Variants in TNRC6A observed in about 807,000 individuals in gnomAD.
TNRC6A encodes trinucleotide repeat containing adaptor 6A, also known as trinucleotide repeat-containing gene 6A protein.
TNRC6A carries 44 observed loss-of-function variants against 221.2 expected under a neutral mutation model. The ratio of observed to expected loss-of-function variants is 0.20; its 90% CI spans 0.16 to 0.26. TNRC6A has a LOEUF of 0.26. Among genes scored for constraint, TNRC6A ranks in the 10% least tolerant of loss-of-function variants. The probability of loss-of-function intolerance (pLI) is 1.00; values close to 1 mark genes in which losing one functional copy is unlikely to be tolerated. For missense variants in TNRC6A, 2,199 were observed against 2,404.4 expected (o/e 0.91, Z 1.79); for synonymous variants, 847 against 838.5 (o/e 1.01, Z -0.18).
At chr16:24,623,104 C>T (rs929928525) in intron 1 of TNRC6A, among the ~76,000 whole-genome samples, 2 of 152,128 alleles carry the variant, frequency 1.3e-5, no homozygotes, top group African/African-American at 4.8e-5. Context: ...GTATCTACTG[C>T]TACAATAATG....
chr16:24,658,658 C>T (rs2054966892), intron 2 of TNRC6A, among the ~76,000 whole-genome samples: 1 of 151,396 alleles, frequency 6.6e-6, no homozygotes, highest in Admixed American at 6.6e-5. Context: ...GAGCCCCACC[C>T]ACCCTGTTTC....
intron 4 of TNRC6A, among the ~76,000 whole-genome samples, chr16:24,775,993 T>A (rs2057710333): frequency 6.6e-6 from 1 of 152,204 alleles, no homozygotes; most frequent in Non-Finnish European, 1.5e-5. Flanking sequence ...ATGAAGACAT[T>A]TAACCTTAGG....
intron 2 of TNRC6A, among the ~76,000 whole-genome samples, chr16:24,668,901 C>A (rs2055230478): frequency 6.6e-6 from 1 of 152,136 alleles, no homozygotes; most frequent in Non-Finnish European, 1.5e-5. Context: ...ACAGAGTGAG[C>A]CTGAGTCTCT....
chr16:24,739,412 A>G (rs1163830442), intron 2 of TNRC6A, among the ~76,000 whole-genome samples: 1 of 151,642 alleles, frequency 6.6e-6, no homozygotes, highest in East Asian at 1.9e-4. Flanking sequence ...TATAGCTTAG[A>G]TACAAGTCCC....
intron 11 of TNRC6A, 187 bp from the exon 12 acceptor site, chr16:24,803,990 A>G (rs969680250): frequency 3.7e-6 from 2 of 540,042 alleles, no homozygotes; most frequent in South Asian, 3.1e-5. Context: ...AAATAACAGT[A>G]TCTCCTAATT....
At chr16:24,680,986 C>G (rs1428752224) in intron 2 of TNRC6A, among the ~76,000 whole-genome samples, 1 of 151,692 alleles carries the variant, frequency 6.6e-6, no homozygotes, top group African/African-American at 2.4e-5. Flanking sequence ...CCAGGCTGAT[C>G]TCAAACTTCT....
chr16:24,657,343 CAAACAAACAAAGA>C (rs2054936281), intron 2 of TNRC6A, among the ~76,000 whole-genome samples: 2 of 89,710 alleles, frequency 2.2e-5, no homozygotes, highest in Admixed American at 1.1e-4. Flanking sequence ...AAAAAAAAAA[CAAACAAACAAAGA>C]AACAAACAAA....
chr16:24,763,364 C>A (rs1041250236), intron 4 of TNRC6A, among the ~76,000 whole-genome samples: 1 of 152,160 alleles, frequency 6.6e-6, no homozygotes, highest in Non-Finnish European at 1.5e-5. Flanking sequence ...TCCAGTATGC[C>A]TGTTGACCAG....
At chr16:24,622,657 A>G (rs1207922984) in intron 1 of TNRC6A, among the ~76,000 whole-genome samples, 1 of 152,234 alleles carries the variant, frequency 6.6e-6, no homozygotes, top group Non-Finnish European at 1.5e-5. Flanking sequence ...GATGCAAGCC[A>G]TGCTGTTTTC....
At chr16:24,769,145 A>G (rs566945527) in intron 4 of TNRC6A, among the ~76,000 whole-genome samples, 5 of 151,866 alleles carry the variant, frequency 3.3e-5, no homozygotes, top group Admixed American at 6.6e-5. Flanking sequence ...GACAATTGCT[A>G]TTTTTTTTCA....
chr16:24,823,613 C>T lies in TNRC6A; in HGVS notation c.5695C>T (p.His1899Tyr). 6.2e-7 allele frequency: 1 copy of T among 1,614,112 alleles called. No individual in the cohort carries two copies. Among genetic ancestry groups the T allele is most frequent in the Non-Finnish European group, 8.5e-7 (1 of 1,179,994 alleles). The change falls in exon 25 of 25, where the codon CAC (histidine) becomes TAC (tyrosine). Residue 1899 changes from histidine to tyrosine, a missense_variant. His to Tyr is a moderately conservative substitution (Grantham distance 83). Coordinates refer to ENST00000395799, the MANE Select transcript of TNRC6A (RefSeq NM_014494.4). The surrounding 1 kb of genome is among the most constrained non-coding windows in gnomAD (Gnocchi z 4.3). Reference sequence around the variant, plus strand: ...ATTCTCCAGCCGGACCGATCTCAATCACTGGAATGGTGCTGGGCTGTCGGG... The same window carrying T: ...ATTCTCCAGCCGGACCGATCTCAATTACTGGAATGGTGCTGGGCTGTCGGG... ...HSFSSRTDLN[H>Y]WNGAGLSGTN...
intron 1 of TNRC6A, among the ~76,000 whole-genome samples, chr16:24,624,437 G>A (rs1900852401): frequency 6.6e-6 from 1 of 152,074 alleles, no homozygotes; most frequent in Admixed American, 6.6e-5. Flanking sequence ...TCTGAGTGCT[G>A]AATTGCCCAC....
At chr16:24,811,399 G>A (rs952981400) in intron 18 of TNRC6A, among the ~76,000 whole-genome samples, 3 of 152,116 alleles carry the variant, frequency 2.0e-5, no homozygotes, top group Non-Finnish European at 4.4e-5. Flanking sequence ...GCACCCAGAC[G>A]GATTTGGTGA....
At chr16:24,727,314 C>T (rs2056509451), upstream of TNRC6A, among the ~76,000 whole-genome samples, 1 of 152,172 alleles carries the variant, frequency 6.6e-6, no homozygotes, top group African/African-American at 2.4e-5. Context: ...CAGGCATGAG[C>T]CACCGCGCCT....
chr16:24,641,144 C>T (rs1198768088), intron 2 of TNRC6A: 1 of 152,262 alleles, frequency 6.6e-6, no homozygotes, highest in African/African-American at 2.4e-5. Context: ...CAGAACTGGG[C>T]AAGAGAAAGG....
intron 2 of TNRC6A, among the ~76,000 whole-genome samples, chr16:24,651,559 A>AAC (rs1567326231): frequency 1.4e-5 from 2 of 139,928 alleles, no homozygotes; most frequent in African/African-American, 2.6e-5. Flanking sequence ...AAAAAAAAAA[A>AAC]AAAAACATAA....
At chr16:24,683,488 T>C (rs1005199544) in intron 2 of TNRC6A, among the ~76,000 whole-genome samples, 1 of 152,172 alleles carries the variant, frequency 6.6e-6, no homozygotes, top group African/African-American at 2.4e-5. Context: ...TGAGCCACCG[T>C]GCCCAGCCCC....
intron 1 of TNRC6A, among the ~76,000 whole-genome samples, chr16:24,624,521 C>T (rs1430459089): frequency 6.6e-6 from 1 of 152,162 alleles, no homozygotes; most frequent in Non-Finnish European, 1.5e-5. Context: ...CTCTGTTGCC[C>T]AGGCTGGAAT....
At chr16:24,739,571 C>G (rs1191961494) in intron 2 of TNRC6A, among the ~76,000 whole-genome samples, 1 of 151,122 alleles carries the variant, frequency 6.6e-6, no homozygotes, top group South Asian at 2.1e-4. Flanking sequence ...CTCCACCTGC[C>G]AGGTTCAAGC....
Sources: gnomAD v4.1 joint callset for allele counts (sites outside exome capture counted in the v4.1 genomes callset) on GRCh38, gnomAD v4.1.1 for gene constraint, Gnocchi (gnomAD v3.1) non-coding constraint, MANE v1.5 for transcripts, NCBI Gene and HGNC (gene_info 2026-07-23, HGNC 2026-07-21) for gene names.